CFAP251: variants seen among roughly 807,000 people sequenced by gnomAD.
CFAP251 encodes the protein cilia and flagella associated protein 251.
Under a neutral mutation model 126.7 loss-of-function variants are expected in CFAP251, and 93 were observed. The ratio of observed to expected loss-of-function variants is 0.73; its 90% CI spans 0.62 to 0.87. The LOEUF is 0.87. CFAP251 is among the 40% of genes least tolerant of loss of function. CFAP251 has a pLI of 0.00. For missense variants in CFAP251, 1,287 were observed against 1,389.2 expected (o/e 0.93, Z 1.17); for synonymous variants, 503 against 506.9 (o/e 0.99, Z 0.10).
chr12:121,954,986 G>A (rs1881677606), intron 10 of CFAP251, among the ~76,000 whole-genome samples: 1 of 152,160 alleles, frequency 6.6e-6, no homozygotes, highest in South Asian at 2.1e-4. Flanking sequence ...TTGAATAGCT[G>A]TATTATTTTT....
chr12:121,993,759 C>T (rs1306395117), intron 19 of CFAP251, among the ~76,000 whole-genome samples: 2 of 150,140 alleles, frequency 1.3e-5, no homozygotes, highest in Admixed American at 6.6e-5. Flanking sequence ...AGTGAGGAGC[C>T]CCTCTGCCCG....
At chr12:121,930,352 T>C (rs1049270384) in intron 3 of CFAP251, among the ~76,000 whole-genome samples, 1 of 152,036 alleles carries the variant, frequency 6.6e-6, no homozygotes, top group African/African-American at 2.4e-5. Context: ...CTGGATGTGG[T>C]GGTGCATGCC....
chr12:121,921,792 C>CATT, intron 2 of CFAP251, 109 bp downstream of exon 2: 3 of 796,278 alleles, frequency 3.8e-6, no homozygotes, highest in Non-Finnish European at 5.3e-6. Flanking sequence ...CAATCCATTC[C>CATT]TTTTTTTTTT....
rs772964725 is a variant in CFAP251, at chr12:121,923,882, A to G, written c.639A>G (p.Arg213=). 6.2e-7 allele frequency: 1 copy of G among 1,614,148 alleles called. No individual in the cohort carries two copies. Among genetic ancestry groups the G allele is most frequent in the South Asian group, 1.1e-5 (1 of 91,072 alleles). Residue 213 remains arginine, a synonymous_variant, in exon 3 of 22, where the codon AGA becomes AGG. Transcript: ENST00000288912. ...ACAGAGAGGAGGGACAAGAAAGGAG[A>G]GTATCCGACATCCAGTCCAAAGCAG... is the stretch of plus-strand genomic sequence containing the variant. ...PENREEGQER[R]VSDIQSKAGI...
At chr12:121,971,433 G>C (rs1933063327) in intron 17 of CFAP251, 1 of 665,114 alleles carries the variant, frequency 1.5e-6, no homozygotes, top group East Asian at 2.7e-5. Context: ...TCCTAAGAAA[G>C]GTGTAGGAGT....
chr12:121,940,988 G>A (rs1592972814), intron 5 of CFAP251, among the ~76,000 whole-genome samples: 2 of 151,898 alleles, frequency 1.3e-5, no homozygotes, highest in Admixed American at 1.3e-4. Context: ...CATTCTTTTT[G>A]AAGGCAGCAA....
At chr12:122,003,516 T>G in intron 21 of CFAP251, 136 bp from the exon 22 acceptor site, 2 of 598,420 alleles carry the variant, frequency 3.3e-6, no homozygotes, top group Non-Finnish European at 5.8e-6. Context: ...AAGGCTGCAG[T>G]GAGCTATGAT....
chr12:121,961,483 T>G (rs1225441958), intron 14 of CFAP251, among the ~76,000 whole-genome samples: 1 of 152,132 alleles, frequency 6.6e-6, no homozygotes, highest in Non-Finnish European at 1.5e-5. Flanking sequence ...GCTACTGATT[T>G]GTGACTGCCA....
intron 3 of CFAP251, among the ~76,000 whole-genome samples, chr12:121,928,634 ATACG>A (rs1212666006): frequency 0.077 from 1,803 of 23,430 alleles, 134 homozygotes; most frequent in African/African-American, 0.35. Context: ...GTGTATATAT[ATACG>A]TATATATATA....
At chr12:121,992,609 C>T in intron 19 of CFAP251, 1 of 686,196 alleles carries the variant, frequency 1.5e-6, no homozygotes, top group Non-Finnish European at 1.8e-6. Flanking sequence ...TTACTCCTCA[C>T]TCCTGTTGCC....
chr12:121,978,313 G>C (rs1882523769), intron 19 of CFAP251, among the ~76,000 whole-genome samples: 1 of 144,256 alleles, frequency 6.9e-6, no homozygotes, highest in Admixed American at 7.1e-5. Context: ...AGAATGGCGT[G>C]AACCCGGGAG....
rs1009816078 is a variant in CFAP251, at chr12:121,969,811, A to C, written c.2771+1642A>C. On this transcript the variant is annotated intron_variant, in intron 17 of 21. Coordinates refer to ENST00000288912, the MANE Select transcript of CFAP251 (RefSeq NM_144668.6). ...CTTCTGAAATGTTTGTCTTCTTCTC[A>C]GTCGTCGTGGGATCTGGAATGGTAG... 5 of 985,322 alleles carry C rather than the reference A, an allele frequency of 5.1e-6. No homozygotes were observed. The African/African-American group carries it at 8.7e-5, about 17-fold the overall frequency. 61.0% of individuals were successfully genotyped at this position (985,322 alleles called of 1,614,324 possible).
intron 5 of CFAP251, among the ~76,000 whole-genome samples, chr12:121,937,851 T>C (rs1290149674): frequency 6.6e-6 from 1 of 152,138 alleles, no homozygotes; most frequent in African/African-American, 2.4e-5. Context: ...TGATCTCACA[T>C]CCCTACAATA....
intron 5 of CFAP251, among the ~76,000 whole-genome samples, chr12:121,938,311 C>CTGT (rs756732212): frequency 2.3e-4 from 35 of 151,720 alleles, no homozygotes; most frequent in Middle Eastern, 3.4e-3. Flanking sequence ...CCAGCCTCAT[C>CTGT]TGTTGTTGTT....
At chr12:121,924,568 G>A (rs903364936) in intron 3 of CFAP251, among the ~76,000 whole-genome samples, 2 of 152,016 alleles carry the variant, frequency 1.3e-5, no homozygotes, top group African/African-American at 2.4e-5. Flanking sequence ...AAGTAGCTGG[G>A]ATTACAGGCG....
intron 7 of CFAP251, among the ~76,000 whole-genome samples, chr12:121,945,772 T>G (rs1881301861): frequency 6.6e-6 from 1 of 151,946 alleles, no homozygotes; most frequent in Non-Finnish European, 1.5e-5. Flanking sequence ...TTCACGCCAT[T>G]CTCCTGCCTC....
chr12:121,946,496 C>A (rs1483417738), intron 7 of CFAP251, among the ~76,000 whole-genome samples: 2 of 152,172 alleles, frequency 1.3e-5, no homozygotes, highest in Non-Finnish European at 2.9e-5. Context: ...GTTGAAAAGT[C>A]AGCTGTCGAT....
rs1200744162 is a variant in CFAP251 at position 121,975,656 on chromosome 12, G to T, written c.2977G>T (p.Ala993Ser). 1 of 1,594,916 alleles carries T rather than the reference G, an allele frequency of 6.3e-7. No homozygotes were observed. The highest frequency in any genetic ancestry group is 8.5e-7 in the Non-Finnish European group (1 of 1,174,230). ...CLSELPFVMR[A>S]IGFYPSEEKI... ...GTCAGAGCTTCCTTTTGTCATGAGA[G>T]CAATTGGCTTTTACCCATCTGAAGA... Residue 993 changes from alanine to serine, a missense_variant, in exon 19 of 22, where the codon GCA (alanine) becomes TCA (serine). Physicochemically the swap from Ala to Ser is moderately conservative, Grantham distance 99. Coordinates refer to ENST00000288912, the MANE Select transcript of CFAP251 (RefSeq NM_144668.6).
At position 121,975,554 on chromosome 12, in the gene CFAP251, T is replaced by C. The variant is rs750452098; in HGVS notation, c.2875T>C (p.Tyr959His). 2.5e-6 allele frequency: 4 copies of C among 1,608,882 alleles called. No individual in the cohort carries two copies. In the Admixed American group the frequency reaches 5.1e-5, roughly 21 times the overall value. Reference sequence around the variant, plus strand: ...TATTCCTACATAGGAGCTAGAAGACTACTTCTACTATTCTCAGCTCCGCAG... The same window carrying C: ...TATTCCTACATAGGAGCTAGAAGACCACTTCTACTATTCTCAGCTCCGCAG... ...EGKFYRELED[Y>H]FYYSQLRSQG... The change falls in exon 19 of 22, where the codon TAC (tyrosine) becomes CAC (histidine). Residue 959 changes from tyrosine to histidine, a missense_variant. Transcript: ENST00000288912.
Sources: allele counts gnomAD v4.1 joint callset (sites outside exome capture counted in the v4.1 genomes callset), GRCh38; gene constraint gnomAD v4.1.1; transcripts MANE v1.5; gene names NCBI Gene and HGNC (gene_info 2026-07-23, HGNC 2026-07-21).